The following SEMA3E variants were observed in gnomAD, a reference collection of about 807,000 sequenced individuals.
SEMA3E encodes semaphorin-3E.
In SEMA3E, 49 loss-of-function variants were observed where a neutral mutation model predicts 93.6. That is an observed-to-expected ratio of 0.52 (90% CI 0.42 to 0.66). The LOEUF is 0.66. Among genes scored for constraint, SEMA3E ranks in the 30% least tolerant of loss-of-function variants. SEMA3E has a pLI of 0.00. For synonymous variants in SEMA3E, 363 were observed against 330.7 expected, an observed-to-expected ratio of 1.10 and a Z score of -1.06; for missense variants, 906 against 964.8, an observed-to-expected ratio of 0.94 and a Z score of 0.81.
intron 1 of SEMA3E, among the ~76,000 whole-genome samples, chr7:83,647,419 T>C (rs1208529551): frequency 1.3e-5 from 2 of 152,164 alleles, no homozygotes; most frequent in Admixed American, 1.3e-4. Flanking sequence ...GAAAAATGAT[T>C]CTTATGTAAT....
At chr7:83,420,705 CA>C (rs1788655488) in intron 4 of SEMA3E, among the ~76,000 whole-genome samples, 1 of 151,958 alleles carries the variant, frequency 6.6e-6, no homozygotes, top group African/African-American at 2.4e-5. Flanking sequence ...ACAAAGTTGA[CA>C]AAAATAAGCA....
chr7:83,494,947 A>T (rs1300220165), intron 1 of SEMA3E, among the ~76,000 whole-genome samples: 1 of 151,990 alleles, frequency 6.6e-6, no homozygotes, highest in Non-Finnish European at 1.5e-5. Flanking sequence ...TAAAATGTGG[A>T]AGCCACATGG....
At chr7:83,514,772 C>T (rs1584301451) in intron 1 of SEMA3E, among the ~76,000 whole-genome samples, 1 of 152,118 alleles carries the variant, frequency 6.6e-6, no homozygotes, top group South Asian at 2.1e-4. Context: ...ATTAACTAGA[C>T]ATTCTGTAAC....
intron 1 of SEMA3E, among the ~76,000 whole-genome samples, chr7:83,637,441 A>G (rs569946480): frequency 6.6e-6 from 1 of 152,242 alleles, no homozygotes; most frequent in Admixed American, 6.5e-5. Context: ...GGCTCTTTTA[A>G]TTCTCTGAAG....
intron 1 of SEMA3E, among the ~76,000 whole-genome samples, chr7:83,496,320 G>T (rs571098719): frequency 6.6e-6 from 1 of 151,914 alleles, no homozygotes; most frequent in Non-Finnish European, 1.5e-5. Flanking sequence ...TGTCAGAAAT[G>T]AATGCATTTT....
intron 1 of SEMA3E, among the ~76,000 whole-genome samples, chr7:83,500,400 C>A (rs1392308497): frequency 6.6e-6 from 1 of 151,998 alleles, no homozygotes; most frequent in Non-Finnish European, 1.5e-5. Flanking sequence ...CAGGCCACTA[C>A]ACTGCAGCCT....
Position 83,365,007 on chromosome 7 carries a change from T to G in SEMA3E, c.*2579A>C, listed in dbSNP as rs1794644731. ...ACAGATTCTGAATTTGAATTAATTC[T>G]AACCTCAGACAGAACAAAAGACTGG... On this transcript the variant is annotated 3_prime_UTR_variant, in exon 17 of 17. Transcript: ENST00000643230. The G allele has an allele frequency of 6.6e-6, 1 of 152,246 alleles. No individual in the cohort carries two copies. Among genetic ancestry groups the G allele is most frequent in the Admixed American group, 6.5e-5 (1 of 15,282 alleles). The allele number at this position is 152,246 out of a possible 1,614,324, so 9.4% of individuals were successfully genotyped here. A position where few individuals can be genotyped will look rare whatever the true frequency, so the allele number is the denominator to read the frequency against.
chr7:83,448,515 AC>A (rs1390190483), intron 4 of SEMA3E, among the ~76,000 whole-genome samples: 1 of 152,272 alleles, frequency 6.6e-6, no homozygotes, highest in East Asian at 1.9e-4. Context: ...CTATTCTAAA[AC>A]AAAAACAAAA....
At chr7:83,534,790 C>T (rs867099301) in intron 1 of SEMA3E, among the ~76,000 whole-genome samples, 8 of 152,132 alleles carry the variant, frequency 5.3e-5, no homozygotes, top group Non-Finnish European at 8.8e-5. Context: ...CCTATAAGCT[C>T]TTTATTATTT....
chr7:83,418,232 A>G (rs1788595938), intron 5 of SEMA3E, among the ~76,000 whole-genome samples, 158 bp downstream of exon 5: 1 of 152,196 alleles, frequency 6.6e-6, no homozygotes, highest in South Asian at 2.1e-4. Flanking sequence ...GCTCAGGTTA[A>G]CATGGCTTGA....
intron 1 of SEMA3E, among the ~76,000 whole-genome samples, chr7:83,493,949 A>G (rs868221061): frequency 5.3e-4 from 80 of 151,906 alleles, no homozygotes; most frequent in African/African-American, 1.8e-3. Flanking sequence ...GCAATAATGG[A>G]CATGGAGCCA....
chr7:83,524,586 T>G (rs1349384264), intron 1 of SEMA3E, among the ~76,000 whole-genome samples: 1 of 152,188 alleles, frequency 6.6e-6, no homozygotes, highest in East Asian at 1.9e-4. Flanking sequence ...GCTCTCGTGC[T>G]ATTAAAATAT....
At position 83,385,421 on chromosome 7, in the gene SEMA3E, T is replaced by C. The variant is rs1360891131; in HGVS notation, c.1748A>G (p.Asp583Gly). The C allele has an allele frequency of 1.4e-5, 22 of 1,613,332 alleles. No individual in the cohort carries two copies. The highest frequency in any genetic ancestry group is 1.9e-5 in the Non-Finnish European group (22 of 1,179,548). Reference protein sequence around the residue: ...FGQQFVGDALDKTEEHLAYGI... With the variant: ...FGQQFVGDALGKTEEHLAYGI... ...ATAAGCCAGATGTTCTTCAGTCTTA[T>C]CCAAAGCATCCCCTACAACAGGAAC... Residue 583 changes from aspartate (D) to glycine (G), a missense_variant, in exon 16 of 17, where the codon GAT becomes GGT. Coordinates refer to ENST00000643230, the MANE Select transcript of SEMA3E (RefSeq NM_012431.3).
intron 4 of SEMA3E, among the ~76,000 whole-genome samples, chr7:83,440,918 T>A (rs563850548): frequency 6.6e-6 from 1 of 152,068 alleles, no homozygotes; most frequent in African/African-American, 2.4e-5. Context: ...GAGAAGAGAC[T>A]GAGAAGTTAT....
intron 1 of SEMA3E, among the ~76,000 whole-genome samples, chr7:83,531,892 A>AT (rs1791308832): frequency 1.3e-5 from 2 of 151,496 alleles, no homozygotes; most frequent in South Asian, 4.1e-4. Flanking sequence ...TTAAGACATA[A>AT]GATTGGCACC....
At chr7:83,619,920 T>C (rs553777661) in intron 1 of SEMA3E, among the ~76,000 whole-genome samples, 3 of 136,552 alleles carry the variant, frequency 2.2e-5, no homozygotes, top group Admixed American at 7.0e-5. Flanking sequence ...GATAGATAGA[T>C]AGACAGATAG....
At position 83,624,511 on chromosome 7, in the gene SEMA3E, T is replaced by A. The variant is rs773898791; in HGVS notation, c.115+23917A>T. 3.6e-4 allele frequency among the ~76,000 whole-genome samples: 55 copies of A among 152,216 alleles called. 1 individual carries two copies. Among genetic ancestry groups the A allele is most frequent in the Non-Finnish European group, 4.3e-4 (29 of 68,044 alleles). On this transcript the variant is annotated intron_variant, in intron 1 of 16. Coordinates refer to ENST00000643230, the MANE Select transcript of SEMA3E (RefSeq NM_012431.3). ...TTTTTTCCTATGTTTGTTGGCCACT[T>A]AAGTGTCTTCTTTTGAGAAATGTCT... is the stretch of plus-strand genomic sequence containing the variant.
intron 4 of SEMA3E, among the ~76,000 whole-genome samples, chr7:83,438,349 C>T (rs1584249149): frequency 1.3e-5 from 2 of 151,996 alleles, no homozygotes; most frequent in African/African-American, 4.8e-5. Flanking sequence ...AATCTCTTTA[C>T]ATAAATAAAC....
intron 2 of SEMA3E, among the ~76,000 whole-genome samples, chr7:83,489,163 T>C (rs910883183): frequency 2.0e-5 from 3 of 152,086 alleles, no homozygotes; most frequent in African/African-American, 4.8e-5. Flanking sequence ...TGATGAAGTA[T>C]GGTACACAGA....
Sources: allele counts gnomAD v4.1 joint callset (sites outside exome capture counted in the v4.1 genomes callset), GRCh38; gene constraint gnomAD v4.1.1; transcripts MANE v1.5; gene names NCBI Gene and HGNC (gene_info 2026-07-23, HGNC 2026-07-21).